Variants in SMIM36 observed in about 807,000 individuals in gnomAD.
The protein encoded by SMIM36 is small integral membrane protein 36.
At chr17:55,457,863 T>A (rs149584904) in intron 4 of SMIM36, among the ~76,000 whole-genome samples, 2,631 of 152,264 alleles carry the variant, frequency 0.017, 74 homozygotes, top group African/African-American at 0.059. Flanking sequence ...TTGACATCTG[T>A]AGAGATCTTT....
At chr17:55,449,876 G>T (rs1908875030) in exon 5 of SMIM36, 1 of 152,182 alleles carries the variant, frequency 6.6e-6, no homozygotes, top group Admixed American at 6.5e-5. Context: ...TATTATGCGG[G>T]TTTATTTGGG....
At chr17:55,499,543 C>T (rs147628479) in intron 1 of SMIM36, among the ~76,000 whole-genome samples, 52 of 152,260 alleles carry the variant, frequency 3.4e-4, no homozygotes, top group African/African-American at 1.1e-3. Flanking sequence ...GTATCTGGCA[C>T]GTAGCGAATT....
chr17:55,456,578 A>T (rs1909028402), intron 4 of SMIM36, among the ~76,000 whole-genome samples: 1 of 152,228 alleles, frequency 6.6e-6, no homozygotes, highest in Non-Finnish European at 1.5e-5. Context: ...CCTGAGCCCT[A>T]ATTTTCCGCA....
the SMIM36 span, among the ~76,000 whole-genome samples, chr17:55,529,090 C>A: frequency 3.9e-5 from 6 of 152,102 alleles, no homozygotes; most frequent in African/African-American, 1.4e-4. Context: ...GTCTGTCTAG[C>A]ACCAACTATT....
At chr17:55,496,275 C>A (rs146556407) in intron 1 of SMIM36, among the ~76,000 whole-genome samples, 1 of 152,088 alleles carries the variant, frequency 6.6e-6, no homozygotes, top group Non-Finnish European at 1.5e-5. Context: ...TTGTATTGTA[C>A]GCCTGTCAAC....
chr17:55,531,061 T>G, the SMIM36 span, among the ~76,000 whole-genome samples: 8 of 152,218 alleles, frequency 5.3e-5, no homozygotes, highest in African/African-American at 1.7e-4. Flanking sequence ...CATTTCTATC[T>G]CCTTCCAAGC....
chr17:55,451,405 G>C (rs1017120421), intron 4 of SMIM36, among the ~76,000 whole-genome samples: 1 of 152,138 alleles, frequency 6.6e-6, no homozygotes. Flanking sequence ...GCTCTTGTCT[G>C]CCTGGAATAC....
At chr17:55,521,789 A>G in the SMIM36 span, among the ~76,000 whole-genome samples, 7 of 151,902 alleles carry the variant, frequency 4.6e-5, no homozygotes, top group Non-Finnish European at 1.0e-4. Flanking sequence ...ATAGCAGAAA[A>G]TCCTGGGGGC....
At chr17:55,496,991 T>C (rs1909819825) in intron 1 of SMIM36, among the ~76,000 whole-genome samples, 1 of 152,208 alleles carries the variant, frequency 6.6e-6, no homozygotes, top group South Asian at 2.1e-4. Context: ...GTGTCTGGCA[T>C]TCACTAAGTG....
chr17:55,458,586 C>A (rs1356035591), intron 4 of SMIM36: 1 of 138,224 alleles, frequency 7.2e-6, no homozygotes, highest in Non-Finnish European at 1.6e-5. Flanking sequence ...CGCCCCGTAC[C>A]ACACACACAT....
At chr17:55,507,819 T>C (rs1056901612) in intron 1 of SMIM36, among the ~76,000 whole-genome samples, 1 of 152,162 alleles carries the variant, frequency 6.6e-6, no homozygotes, top group Non-Finnish European at 1.5e-5. Context: ...ATTCTCCCAT[T>C]AGTTCAGTCC....
At chr17:55,501,744 A>AACAGCTCCGGTCT (rs1214888877) in intron 1 of SMIM36, among the ~76,000 whole-genome samples, 2 of 151,330 alleles carry the variant, frequency 1.3e-5, no homozygotes, top group East Asian at 3.9e-4. Context: ...GCCGAATAGG[A>AACAGCTCCGGTCT]ACAGCTCCGG....
At chr17:55,530,237 T>C in the SMIM36 span, among the ~76,000 whole-genome samples, 3 of 152,086 alleles carry the variant, frequency 2.0e-5, no homozygotes, top group African/African-American at 7.2e-5. Context: ...ACTGAGGTGG[T>C]AAAGGTCGAG....
At chr17:55,495,247 G>A (rs1190279998) in intron 1 of SMIM36, among the ~76,000 whole-genome samples, 1 of 152,106 alleles carries the variant, frequency 6.6e-6, no homozygotes, top group Non-Finnish European at 1.5e-5. Context: ...ACATTATGAT[G>A]GAAATGACCT....
At chr17:55,529,503 C>T in the SMIM36 span, among the ~76,000 whole-genome samples, 1 of 152,004 alleles carries the variant, frequency 6.6e-6, no homozygotes, top group Non-Finnish European at 1.5e-5. Context: ...CACGGTGGCT[C>T]ACGCCTGTAA....
At chr17:55,478,020 T>G (rs951113710) in intron 3 of SMIM36, among the ~76,000 whole-genome samples, 1 of 151,856 alleles carries the variant, frequency 6.6e-6, no homozygotes, top group African/African-American at 2.4e-5. Context: ...CATGGTGAGA[T>G]CCTGTCTCTA....
intron 4 of SMIM36, among the ~76,000 whole-genome samples, chr17:55,453,315 A>G (rs1018622350): frequency 3.3e-5 from 5 of 150,358 alleles, no homozygotes; most frequent in Admixed American, 1.3e-4. Context: ...AAGTAAGTAA[A>G]TAAATAAATA....
intron 4 of SMIM36, among the ~76,000 whole-genome samples, chr17:55,464,177 C>G (rs1218388261): frequency 6.6e-6 from 1 of 152,100 alleles, no homozygotes; most frequent in African/African-American, 2.4e-5. Context: ...GTCATGTCCA[C>G]CTAGGATATT....
chr17:55,470,039 G>C (rs1020297804), intron 3 of SMIM36, among the ~76,000 whole-genome samples: 1 of 151,762 alleles, frequency 6.6e-6, no homozygotes, highest in East Asian at 1.9e-4. Flanking sequence ...GCGGCCAGGC[G>C]TTCCTCCAGG....
Sources: gnomAD v4.1 joint callset for allele counts (sites outside exome capture counted in the v4.1 genomes callset) on GRCh38, gnomAD v4.1.1 for gene constraint, MANE v1.5 for transcripts, NCBI Gene and HGNC (gene_info 2026-07-23, HGNC 2026-07-21) for gene names.